Variants in TRDN observed in about 807,000 individuals in gnomAD.
TRDN encodes triadin in skeletal muscle.
A neutral mutation model predicts 149.7 loss-of-function variants in TRDN; 161 were observed. The ratio of observed to expected loss-of-function variants is 1.08; its 90% CI spans 0.95 to 1.23. TRDN has a LOEUF of 1.23. TRDN is among the 50% of genes most tolerant of loss of function. The probability of loss-of-function intolerance (pLI) is 0.00; values close to 1 mark genes in which losing one functional copy is unlikely to be tolerated. For synonymous variants in TRDN, 294 were observed against 250.5 expected (o/e 1.17, Z -1.64); for missense variants, 896 against 823.5 (o/e 1.09, Z -1.08).
chr6:123,437,831 TG>T (rs900579004), intron 12 of TRDN, among the ~76,000 whole-genome samples: 1 of 151,896 alleles, frequency 6.6e-6, no homozygotes, highest in African/African-American at 2.4e-5. Context: ...TGCGTTTTTT[TG>T]GGGGGGAATT....
At chr6:123,507,347 T>C (rs933650570) in intron 7 of TRDN, among the ~76,000 whole-genome samples, 1 of 152,114 alleles carries the variant, frequency 6.6e-6, no homozygotes, top group Admixed American at 6.6e-5. Context: ...GCAATGATTA[T>C]TTTCTAAGAG....
chr6:123,607,520 G>A (rs985440836), intron 1 of TRDN, among the ~76,000 whole-genome samples: 1 of 152,122 alleles, frequency 6.6e-6, no homozygotes, highest in Non-Finnish European at 1.5e-5. Context: ...ATGGCCCTCT[G>A]CTGTATCAAA....
intron 1 of TRDN, among the ~76,000 whole-genome samples, chr6:123,607,254 T>C (rs1420404629): frequency 1.3e-5 from 2 of 152,318 alleles, no homozygotes; most frequent in African/African-American, 2.4e-5. Context: ...AATTTGGAAA[T>C]GTGAAAGTAA....
At chr6:123,490,083 G>C (rs1778147885) in intron 9 of TRDN, among the ~76,000 whole-genome samples, 1 of 152,114 alleles carries the variant, frequency 6.6e-6, no homozygotes, top group Non-Finnish European at 1.5e-5. Flanking sequence ...GGGTAAAATT[G>C]AAATTGATTA....
chr6:123,563,648 C>A (rs1382035345), intron 2 of TRDN, among the ~76,000 whole-genome samples: 1 of 152,120 alleles, frequency 6.6e-6, no homozygotes, highest in Non-Finnish European at 1.5e-5. Context: ...TTATACTACT[C>A]CAGTTGGATG....
At position 123,438,137 on chromosome 6, in the gene TRDN, A is replaced by T. The variant is rs1451991395; in HGVS notation, c.992-15T>A. ...ATCTTCTTTTTCTGCTGGTAAAATA[A>T]GAAAGTTATAAGCCTTTACCTGTTT... On this transcript the variant is annotated splice_polypyrimidine_tract_variant and intron_variant, in intron 11 of 40. Transcript: ENST00000334268. 1 of 1,566,732 alleles carries T rather than the reference A, an allele frequency of 6.4e-7. No individual in the cohort carries two copies.
At chr6:123,601,876 G>A (rs934236447) in intron 1 of TRDN, among the ~76,000 whole-genome samples, 6 of 152,064 alleles carry the variant, frequency 3.9e-5, no homozygotes, top group African/African-American at 1.4e-4. Flanking sequence ...GAGGTTGGTT[G>A]GCAGCTAGTC....
chr6:123,474,876 A>C (rs1347723242), intron 9 of TRDN, among the ~76,000 whole-genome samples: 1 of 152,182 alleles, frequency 6.6e-6, no homozygotes, highest in Non-Finnish European at 1.5e-5. Context: ...TTTGAAACCA[A>C]CGAGAACAAA....
At chr6:123,545,336 T>C (rs545533128) in intron 4 of TRDN, among the ~76,000 whole-genome samples, 1 of 152,066 alleles carries the variant, frequency 6.6e-6, no homozygotes, top group South Asian at 2.1e-4. Flanking sequence ...GTTAAAAGTA[T>C]ACTTAAAATG....
chr6:123,386,587 T>C (rs1431284), intron 14 of TRDN, among the ~76,000 whole-genome samples: 56,482 of 152,054 alleles, frequency 0.37, 10,986 homozygotes, highest in Middle Eastern at 0.43. Context: ...ACGGGAGGCT[T>C]GTAAAGACCT....
At chr6:123,544,344 T>C (rs962081756) in intron 4 of TRDN, among the ~76,000 whole-genome samples, 1 of 151,724 alleles carries the variant, frequency 6.6e-6, no homozygotes, top group Admixed American at 6.6e-5. Flanking sequence ...CCAAGTAACG[T>C]TGAATACCAC....
In TRDN at chr6:123,548,611, T is replaced by G. The variant is rs1340833884; in HGVS notation, c.234A>C (p.Ala78=). The change falls in exon 3 of 41, where the codon GCA becomes GCC. Residue 78 remains alanine (A), a splice_region_variant and synonymous_variant. Transcript: ENST00000334268. ...FDLVDYKNFS[A]SSIAKIGSDP... The stretch of plus-strand genomic sequence containing the variant: ...CTGAGCCAATCTTGGCAATAGAGCT[T>G]GCTAAAAGTAATTAAAAAAAAAAAA... The G allele has an allele frequency of 2.2e-6, 3 of 1,369,774 alleles. No individual in the cohort carries two copies. The allele number at this position is 1,369,774 out of a possible 1,614,324, so 84.9% of individuals were successfully genotyped here.
intron 7 of TRDN, among the ~76,000 whole-genome samples, chr6:123,507,981 T>C (rs1270900812): frequency 1.2e-5 from 1 of 80,178 alleles, no homozygotes; most frequent in Admixed American, 1.6e-4. Context: ...TCTGCTTCAG[T>C]TTCTTTGCGT....
chr6:123,423,561 T>C (rs955365213), intron 12 of TRDN, among the ~76,000 whole-genome samples: 4 of 152,150 alleles, frequency 2.6e-5, no homozygotes, highest in Non-Finnish European at 1.5e-5. Context: ...TCTAAATCTG[T>C]ATGGATGTTT....
chr6:123,517,172 G>T (rs1779450923), intron 5 of TRDN, among the ~76,000 whole-genome samples: 1 of 152,066 alleles, frequency 6.6e-6, no homozygotes, highest in South Asian at 2.1e-4. Context: ...GTTGATGTAT[G>T]AAATGACCTA....
intron 8 of TRDN, among the ~76,000 whole-genome samples, chr6:123,497,788 T>C (rs756566704): frequency 2.0e-5 from 3 of 152,158 alleles, no homozygotes; most frequent in Non-Finnish European, 4.4e-5. Flanking sequence ...AAATGCTCTT[T>C]AATTGGGAGA....
intron 10 of TRDN, among the ~76,000 whole-genome samples, chr6:123,456,574 TC>T (rs1053191882): frequency 2.6e-5 from 4 of 152,068 alleles, no homozygotes; most frequent in African/African-American, 4.8e-5. Context: ...GCTCAAGTGA[TC>T]CTCCCACCTC....
At chr6:123,553,559 T>G (rs1275193424) in intron 2 of TRDN, among the ~76,000 whole-genome samples, 1 of 152,134 alleles carries the variant, frequency 6.6e-6, no homozygotes, top group Non-Finnish European at 1.5e-5. Flanking sequence ...TATTAGTCCG[T>G]TTCCATACTG....
chr6:123,355,871 T>G (rs1562275637), intron 20 of TRDN, among the ~76,000 whole-genome samples: 1 of 151,816 alleles, frequency 6.6e-6, no homozygotes, highest in African/African-American at 2.4e-5. Flanking sequence ...AGATATTTTA[T>G]GGATTTGATG....
Sources: allele counts gnomAD v4.1 joint callset (sites outside exome capture counted in the v4.1 genomes callset), GRCh38; gene constraint gnomAD v4.1.1; transcripts MANE v1.5; gene names NCBI Gene and HGNC (gene_info 2026-07-23, HGNC 2026-07-21).